Variants in DOCK4 observed in about 807,000 individuals in gnomAD.
DOCK4 encodes dedicator of cytokinesis protein 4.
In DOCK4, 97 loss-of-function variants were observed where a neutral mutation model predicts 268.1. The ratio of observed to expected loss-of-function variants is 0.36; its 90% CI spans 0.31 to 0.43. The LOEUF (loss-of-function observed/expected upper bound fraction) is 0.43, where lower values mean the gene tolerates loss of function less well. DOCK4 is among the 20% of genes least tolerant of loss of function. DOCK4 has a pLI of 1.00. For synonymous variants in DOCK4, 954 were observed against 887.2 expected (o/e 1.08, Z -1.34); for missense variants, 2,145 against 2,455.7 (o/e 0.87, Z 2.67).
At position 112,206,374 on chromosome 7, in the gene DOCK4, C is replaced by A. The variant is rs772670751; in HGVS notation, c.-236G>T. 1.7e-6 allele frequency: 1 copy of A among 583,988 alleles called. No individual in the cohort carries two copies. The highest frequency in any genetic ancestry group is 3.2e-5 in the Admixed American group (1 of 31,564). The allele number at this position is 583,988 out of a possible 1,614,324, so 36.2% of individuals were successfully genotyped here. A position where few individuals can be genotyped will look rare whatever the true frequency, so the allele number is the denominator to read the frequency against. ...GTCCTCCGACGCGCTCCCGGGTACCCGGCGGCGCAGTCATTGTTCTGATTC... is the reference window on the plus strand; with the variant it reads ...GTCCTCCGACGCGCTCCCGGGTACCAGGCGGCGCAGTCATTGTTCTGATTC... On this transcript the variant is annotated 5_prime_UTR_variant, in exon 1 of 53. Coordinates refer to ENST00000428084, the MANE Select transcript of DOCK4 (RefSeq NM_001363540.2).
rs1336639103 is a variant in DOCK4 at position 111,727,154 on chromosome 7, AAG to A, written c.*1118_*1119del. On this transcript the variant is annotated 3_prime_UTR_variant, in exon 53 of 53. Coordinates refer to ENST00000428084, the MANE Select transcript of DOCK4 (RefSeq NM_001363540.2). ...GGCATTAGCATCCCTATCTAGACCTAAGATGCTATGTTGCAATATTCAAGCTA... is the reference window on the plus strand; with the variant it reads ...GGCATTAGCATCCCTATCTAGACCTAATGCTATGTTGCAATATTCAAGCTA... The A allele has an allele frequency of 6.6e-6, 1 of 152,626 alleles. No homozygotes were observed. Among genetic ancestry groups the A allele is most frequent in the Admixed American group, 6.5e-5 (1 of 15,282 alleles). The allele number at this position is 152,626 out of a possible 1,614,324, so 9.5% of individuals were successfully genotyped here. A position where few individuals can be genotyped will look rare whatever the true frequency, so the allele number is the denominator to read the frequency against.
intron 1 of DOCK4, among the ~76,000 whole-genome samples, chr7:112,171,577 C>T (rs1818086000): frequency 6.6e-6 from 1 of 151,948 alleles, no homozygotes; most frequent in Non-Finnish European, 1.5e-5. Context: ...ACATGGTGAA[C>T]CAACCACATG....
At chr7:111,742,693 G>A (rs1371634435) in intron 44 of DOCK4, among the ~76,000 whole-genome samples, 1 of 152,096 alleles carries the variant, frequency 6.6e-6, no homozygotes, top group Non-Finnish European at 1.5e-5. Flanking sequence ...TCTTGTTTTT[G>A]TTTAAAAAGA....
intron 1 of DOCK4, among the ~76,000 whole-genome samples, chr7:112,186,623 A>T (rs775796962): frequency 6.6e-6 from 1 of 152,220 alleles, no homozygotes; most frequent in Non-Finnish European, 1.5e-5. Context: ...GTATCATCAC[A>T]AAATATGGTA....
At chr7:111,735,680 T>A (rs1286267219) in intron 50 of DOCK4, among the ~76,000 whole-genome samples, 3 of 152,236 alleles carry the variant, frequency 2.0e-5, no homozygotes, top group Non-Finnish European at 4.4e-5. Context: ...TAAAAAATGA[T>A]TTGGAATATG....
intron 42 of DOCK4, among the ~76,000 whole-genome samples, chr7:111,749,784 AT>A (rs1796509364): frequency 6.6e-6 from 1 of 152,310 alleles, no homozygotes; most frequent in East Asian, 1.9e-4. Flanking sequence ...CCCCAGTATA[AT>A]TTTGGTCTAT....
intron 15 of DOCK4, among the ~76,000 whole-genome samples, chr7:111,896,319 G>A (rs1808742025): frequency 6.6e-6 from 1 of 152,102 alleles, no homozygotes; most frequent in African/African-American, 2.4e-5. Flanking sequence ...CACTACTCTG[G>A]AAGCCGGAAA....
intron 35 of DOCK4, among the ~76,000 whole-genome samples, chr7:111,782,516 T>C (rs1798845123): frequency 6.6e-6 from 1 of 152,128 alleles, no homozygotes; most frequent in African/African-American, 2.4e-5. Flanking sequence ...TAGAAAGACC[T>C]CTAACAGGGG....
intron 17 of DOCK4, among the ~76,000 whole-genome samples, chr7:111,874,541 TGCAAAATACTTCAAGTTCAG>T (rs1806685703): frequency 6.6e-6 from 1 of 152,236 alleles, no homozygotes; most frequent in Non-Finnish European, 1.5e-5. Flanking sequence ...TAATCATGTA[TGCAAAATACTTCAAGTTCAG>T]GCAAAATTGC....
chr7:111,916,846 GT>G (rs1792628877), intron 12 of DOCK4, among the ~76,000 whole-genome samples: 1 of 151,848 alleles, frequency 6.6e-6, no homozygotes, highest in African/African-American at 2.4e-5. Flanking sequence ...TGTGGAATAG[GT>G]GGTATTTGGT....
chr7:112,185,676 G>C (rs2116738209), intron 1 of DOCK4, among the ~76,000 whole-genome samples: 1 of 152,134 alleles, frequency 6.6e-6, no homozygotes, highest in South Asian at 2.1e-4. Flanking sequence ...CACAACATTT[G>C]AGTGACACAA....
intron 36 of DOCK4, among the ~76,000 whole-genome samples, chr7:111,776,657 T>C (rs1366489700): frequency 6.6e-6 from 1 of 151,992 alleles, no homozygotes; most frequent in Non-Finnish European, 1.5e-5. Context: ...CCGAATTTGG[T>C]AAAGGAAATA....
chr7:111,972,576 G>A (rs1373341680), intron 8 of DOCK4, among the ~76,000 whole-genome samples: 4 of 151,976 alleles, frequency 2.6e-5, no homozygotes, highest in African/African-American at 9.7e-5. Flanking sequence ...TACAGGTTTT[G>A]CACATGTTGG....
chr7:111,895,738 T>A lies in DOCK4; in HGVS notation c.1481-20A>T. The A allele has an allele frequency of 6.2e-7, 1 of 1,607,110 alleles. No homozygotes were observed. ...CCTTTGCTGTAAAAAACAAATTACTTGCTTATTTAAGTGTATCTATGTTCA... is the reference window on the plus strand; with the variant it reads ...CCTTTGCTGTAAAAAACAAATTACTAGCTTATTTAAGTGTATCTATGTTCA... On this transcript the variant is annotated intron_variant, in intron 15 of 52. Coordinates refer to ENST00000428084, the MANE Select transcript of DOCK4 (RefSeq NM_001363540.2).
chr7:112,117,309 A>T (rs1812265902), intron 1 of DOCK4, among the ~76,000 whole-genome samples: 2 of 152,202 alleles, frequency 1.3e-5, no homozygotes. Context: ...GTATTTCATA[A>T]CCATTGAACA....
chr7:111,958,067 C>A (rs1264039049), intron 8 of DOCK4, among the ~76,000 whole-genome samples: 1 of 152,162 alleles, frequency 6.6e-6, no homozygotes, highest in African/African-American at 2.4e-5. Flanking sequence ...AGTACTCTCT[C>A]TTCTTAATAA....
chr7:111,818,698 C>T (rs1801752458), intron 27 of DOCK4, among the ~76,000 whole-genome samples: 1 of 152,222 alleles, frequency 6.6e-6, no homozygotes, highest in Non-Finnish European at 1.5e-5. Flanking sequence ...TGTCTTCCTC[C>T]ACCAACCTCA....
chr7:111,934,489 C>G (rs894158410), intron 12 of DOCK4, among the ~76,000 whole-genome samples: 1 of 150,606 alleles, frequency 6.6e-6, no homozygotes, highest in African/African-American at 2.4e-5. Flanking sequence ...TCAAAGCCAG[C>G]CATAGGCAGC....
chr7:111,778,435 A>C, intron 35 of DOCK4, 66 bp from the exon 36 acceptor site: 1 of 1,012,768 alleles, frequency 9.9e-7, no homozygotes. Context: ...TCTGCCTTTT[A>C]CTCTGCTAAA....
Sources: allele counts gnomAD v4.1 joint callset (sites outside exome capture counted in the v4.1 genomes callset), GRCh38; gene constraint gnomAD v4.1.1; transcripts MANE v1.5; gene names NCBI Gene and HGNC (gene_info 2026-07-23, HGNC 2026-07-21).